HDAC5: variants seen among roughly 807,000 people sequenced by gnomAD.
The protein encoded by HDAC5 is antigen NY-CO-9.
Under a neutral mutation model 133.3 loss-of-function variants are expected in HDAC5, and 25 were observed. The ratio of observed to expected loss-of-function variants is 0.19; its 90% CI spans 0.14 to 0.26. HDAC5 has a LOEUF of 0.26. Ranked by LOEUF, HDAC5 falls within the 10% of genes least tolerant of loss-of-function variation. HDAC5 has a pLI of 1.00. For synonymous variants in HDAC5, 589 were observed against 610.8 expected, an observed-to-expected ratio of 0.96 and a Z score of 0.53; for missense variants, 1,041 against 1,460.5, an observed-to-expected ratio of 0.71 and a Z score of 4.68.
intron 1 of HDAC5, chr17:44,123,214 T>C: frequency 7.9e-6 from 2 of 254,500 alleles, no homozygotes; most frequent in Non-Finnish European, 1.5e-5. Context: ...TCCGAGCCAT[T>C]TGGGGGCGCA....
At chr17:44,083,974 C>T (rs1349622115) in intron 16 of HDAC5, 120 bp from the exon 17 acceptor site, 4 of 777,040 alleles carry the variant, frequency 5.1e-6, no homozygotes, top group Non-Finnish European at 8.9e-6. Context: ...AAATACAAAA[C>T]TTAGCTGGGC....
In HDAC5 at chr17:44,082,627, T is replaced by C. The variant is rs1481451043; in HGVS notation, c.2565A>G (p.Leu855=). The stretch of plus-strand genomic sequence containing the variant: ...CCTTGCCCACGTTCAACTTCTGCTG[T>C]AGGAGTTTTGCGGTGATGGCTACAG... ...FNSVAITAKL[L]QQKLNVGKVL... is the part of the protein sequence containing the mutation. Residue 855 remains leucine (L), a synonymous_variant, in exon 20 of 27, where the codon CTA becomes CTG. Coordinates refer to ENST00000682912, the MANE Select transcript of HDAC5 (RefSeq NM_005474.5). 2 of 1,613,998 alleles carry C rather than the reference T, an allele frequency of 1.2e-6. No individual in the cohort carries two copies. Among genetic ancestry groups the C allele is most frequent in the Non-Finnish European group, 1.7e-6 (2 of 1,179,946 alleles).
At chr17:44,102,425 A>G (rs1436285165) in intron 3 of HDAC5, among the ~76,000 whole-genome samples, 4 of 152,208 alleles carry the variant, frequency 2.6e-5, no homozygotes, top group African/African-American at 9.6e-5. Context: ...CAGTGGTGCA[A>G]TCTTGGCTCA....
intron 3 of HDAC5, among the ~76,000 whole-genome samples, chr17:44,098,198 C>T (rs905887441): frequency 6.6e-6 from 1 of 152,230 alleles, no homozygotes; most frequent in African/African-American, 2.4e-5. Flanking sequence ...GGCACAGACC[C>T]TGGAGCCTGG....
intron 1 of HDAC5, 128 bp downstream of exon 1, chr17:44,123,376 A>C: frequency 2.9e-4 from 91 of 311,252 alleles, no homozygotes; most frequent in Non-Finnish European, 3.2e-4. Flanking sequence ...GCCGGGAGGA[A>C]GGAAGGGGGG....
chr17:44,087,775 T>TTCCC (rs2050740914), intron 12 of HDAC5, 79 bp from the exon 13 acceptor site: 1 of 1,436,012 alleles, frequency 7.0e-7, no homozygotes, highest in Non-Finnish European at 9.2e-7. Context: ...CAGTCTATCC[T>TTCCC]TCCCTCCCTC....
intron 23 of HDAC5, among the ~76,000 whole-genome samples, chr17:44,079,791 A>G (rs1597924102): frequency 1.3e-5 from 2 of 152,158 alleles, no homozygotes; most frequent in East Asian, 3.8e-4. Flanking sequence ...CACAGTCAAA[A>G]CATTAACAGA....
Position 44,083,809 on chromosome 17 carries a change from A to G in HDAC5, c.2351T>C (p.Ile784Thr). The G allele has an allele frequency of 6.3e-7, 1 of 1,596,762 alleles. No homozygotes were observed. Among genetic ancestry groups the G allele is most frequent in the Non-Finnish European group, 8.6e-7 (1 of 1,167,746 alleles). Residue 784 changes from isoleucine (I) to threonine (T), a missense_variant, in exon 17 of 27, where the codon ATC (isoleucine) becomes ACC (threonine). Coordinates refer to ENST00000682912, the MANE Select transcript of HDAC5 (RefSeq NM_005474.5). ...ACTGCTGTACGCCCTACTCACCCCG[A>G]TGCCCCCACAAGGCAGCACAGCATA... ...KMYAVLPCGG[I>T]GVDSDTVWNE...
At chr17:44,093,900 C>T in intron 3 of HDAC5, 66 bp from the exon 4 acceptor site, 1 of 1,430,394 alleles carries the variant, frequency 7.0e-7, no homozygotes. Context: ...TGCCTGAGGC[C>T]CAAAGGCTAC....
intron 3 of HDAC5, among the ~76,000 whole-genome samples, chr17:44,099,268 C>G (rs1245301634): frequency 6.6e-6 from 1 of 152,112 alleles, no homozygotes; most frequent in Admixed American, 6.5e-5. Context: ...AGGCAAGGCT[C>G]TGGGGGAAAG....
At position 44,093,739 on chromosome 17, in the gene HDAC5, C is replaced by T. The variant is rs540930350; in HGVS notation, c.190G>A (p.Val64Met). ...CGCAGTGTGGGGTCCACAGAGCCCA[C>T]CAGAGCCCCCCGTAGCTCCACAGGG... ...PSPVELRGAL[V>M]GSVDPTLREQ... is the part of the protein sequence containing the mutation. The change falls in exon 4 of 27, where the codon GTG (valine) becomes ATG (methionine). Residue 64 changes from valine to methionine, a missense_variant. Val to Met is a conservative substitution (Grantham distance 21). Around this residue, in one of 9 missense-constraint regions of HDAC5, gnomAD observed 93 missense variants for 98.8 expected, o/e 0.94. Transcript: ENST00000682912. 1.2e-5 allele frequency: 19 copies of T among 1,603,468 alleles called. No individual in the cohort carries two copies. The highest frequency in any genetic ancestry group is 2.2e-5 in the East Asian group (1 of 44,690).
At chr17:44,114,448 G>GC (rs1491230867) in intron 2 of HDAC5, among the ~76,000 whole-genome samples, 3 of 151,874 alleles carry the variant, frequency 2.0e-5, no homozygotes, top group Non-Finnish European at 2.9e-5. Context: ...GGGGGGGGGG[G>GC]GCTGCTGCCC....
intron 3 of HDAC5, among the ~76,000 whole-genome samples, chr17:44,097,184 G>T (rs2051324766): frequency 6.6e-6 from 1 of 152,248 alleles, no homozygotes; most frequent in Non-Finnish European, 1.5e-5. Context: ...GGAGGCCGAG[G>T]CCAAGGCCAT....
intron 9 of HDAC5, 91 bp downstream of exon 9, chr17:44,092,081 C>G (rs1200507784): frequency 8.3e-7 from 1 of 1,200,280 alleles, no homozygotes; most frequent in Non-Finnish European, 1.2e-6. Context: ...GCTGGGCACT[C>G]AGGCAGACAG....
Position 44,079,377 on chromosome 17 carries a change from C to A in HDAC5, c.2945-100G>T, listed in dbSNP as rs1597922451. ...AGAAAAAAGGCCAGGCGCGGTGGCT[C>A]ACGCCTGTAATCCCAGCACTTTGGG... On this transcript the variant is annotated intron_variant, in intron 23 of 26. Coordinates refer to ENST00000682912, the MANE Select transcript of HDAC5 (RefSeq NM_005474.5). 6.4e-6 allele frequency: 8 copies of A among 1,251,182 alleles called. No homozygotes were observed. The South Asian group carries it at 9.8e-5, about 15-fold the overall frequency. The allele number at this position is 1,251,182 out of a possible 1,614,324, so 77.5% of individuals were successfully genotyped here. A position where few individuals can be genotyped will look rare whatever the true frequency, so the allele number is the denominator to read the frequency against.
chr17:44,123,295 C>A (rs2053125180), intron 1 of HDAC5: 1 of 319,762 alleles, frequency 3.1e-6, no homozygotes, highest in Non-Finnish European at 5.7e-6. Context: ...CAGGGAGGGG[C>A]GCGCGCAGCA....
chr17:44,079,011 T>C (rs1402091944), intron 24 of HDAC5, 132 bp from the exon 25 acceptor site: 50 of 1,503,156 alleles, frequency 3.3e-5, no homozygotes, highest in Non-Finnish European at 4.0e-5. Flanking sequence ...AAACGCATAC[T>C]CAGAAAGCCT....
At position 44,082,806 on chromosome 17, in the gene HDAC5, G is replaced by A; in HGVS notation, c.2478C>T (p.Ile826=). 1.3e-6 allele frequency: 2 copies of A among 1,555,538 alleles called. No homozygotes were observed. The highest frequency in any genetic ancestry group is 1.4e-5 in the African/African-American group (1 of 73,486). Residue 826 remains isoleucine (I), a synonymous_variant, in exon 19 of 27, where the codon ATC becomes ATT. Coordinates refer to ENST00000682912, the MANE Select transcript of HDAC5 (RefSeq NM_005474.5). ...CGGCGTGGTGTCCTGGGGGCCGGAT[G>A]ATGGCAAATCCATTCTGAAGAGGTG... is the stretch of plus-strand genomic sequence containing the variant. ...AAGELKNGFA[I]IRPPGHHAEE...
At chr17:44,081,304 C>T (rs1298425872) in intron 20 of HDAC5, among the ~76,000 whole-genome samples, 1 of 151,868 alleles carries the variant, frequency 6.6e-6, no homozygotes, top group Non-Finnish European at 1.5e-5. Context: ...GGCTAGAGTG[C>T]AGTGGCACGA....
Sources: allele counts gnomAD v4.1 joint callset (sites outside exome capture counted in the v4.1 genomes callset), GRCh38; gene constraint gnomAD v4.1.1; regional missense constraint gnomAD v4.1.1; transcripts MANE v1.5; gene names NCBI Gene and HGNC (gene_info 2026-07-23, HGNC 2026-07-21).